Variants in MAP2K1 observed in about 807,000 individuals in gnomAD.
The protein encoded by MAP2K1 is dual specificity mitogen-activated protein kinase kinase 1.
In MAP2K1, 16 loss-of-function variants were observed where a neutral mutation model predicts 46.3. The ratio of observed to expected loss-of-function variants is 0.35; its 90% CI spans 0.23 to 0.52. The LOEUF (loss-of-function observed/expected upper bound fraction) is 0.52. Ranked by LOEUF, MAP2K1 falls within the 20% of genes least tolerant of loss-of-function variation. MAP2K1 has a pLI of 0.94. For synonymous variants in MAP2K1, 183 were observed against 185.6 expected (o/e 0.99, Z 0.11); for missense variants, 263 against 497.1 (o/e 0.53, Z 4.48).
At chr15:66,458,518 G>A (rs1265989449) in intron 5 of MAP2K1, among the ~76,000 whole-genome samples, 4 of 152,100 alleles carry the variant, frequency 2.6e-5, no homozygotes, top group African/African-American at 9.7e-5. Flanking sequence ...ATGTGTGTAT[G>A]TATAAATGAA....
In MAP2K1 at chr15:66,489,822, C is replaced by CA. The variant is rs1282664634; in HGVS notation, c.1068+60dup. The CA allele has an allele frequency of 1.3e-5, 18 of 1,405,696 alleles. No individual in the cohort carries two copies. The African/African-American group carries it at 2.5e-4, about 20-fold the overall frequency. The allele number at this position is 1,405,696 out of a possible 1,614,324, so 87.1% of individuals were successfully genotyped here. A position where few individuals can be genotyped will look rare whatever the true frequency, so the allele number is the denominator to read the frequency against. Reference sequence around the variant, plus strand: ...TGTTTATTCATTTGTTCTTCTCTGTCAGTCATCTGTGCAGTACTTCCAGAG... The same window carrying CA: ...TGTTTATTCATTTGTTCTTCTCTGTCAAGTCATCTGTGCAGTACTTCCAGAG... On this transcript the variant is annotated intron_variant, in intron 10 of 10. Coordinates refer to ENST00000307102, the MANE Select transcript of MAP2K1 (RefSeq NM_002755.4).
chr15:66,489,818 C>A, intron 10 of MAP2K1, 55 bp downstream of exon 10: 1 of 1,437,158 alleles, frequency 7.0e-7, no homozygotes, highest in Non-Finnish European at 9.8e-7. Context: ...TTGTTCTTCT[C>A]TGTCAGTCAT....
At chr15:66,481,580 T>C (rs1892916430) in intron 5 of MAP2K1, among the ~76,000 whole-genome samples, 175 bp from the exon 6 acceptor site, 1 of 152,192 alleles carries the variant, frequency 6.6e-6, no homozygotes, top group African/African-American at 2.4e-5. Context: ...CTTCTTGAAC[T>C]CAGAACAAAG....
At chr15:66,467,433 C>G (rs1273402788) in intron 5 of MAP2K1, among the ~76,000 whole-genome samples, 3 of 152,186 alleles carry the variant, frequency 2.0e-5, no homozygotes, top group Non-Finnish European at 4.4e-5. Context: ...TTTCCCCAAA[C>G]CCCCTTCCTG....
chr15:66,427,053 G>C (rs546916693), intron 1 of MAP2K1, among the ~76,000 whole-genome samples: 1 of 152,310 alleles, frequency 6.6e-6, no homozygotes, highest in East Asian at 1.9e-4. Flanking sequence ...CCAGGTCTTT[G>C]AGAATGCGTA....
intron 5 of MAP2K1, among the ~76,000 whole-genome samples, chr15:66,449,165 A>G (rs1378329490): frequency 1.3e-5 from 2 of 152,230 alleles, no homozygotes; most frequent in Non-Finnish European, 2.9e-5. Flanking sequence ...TGCTCATGCA[A>G]GGACTTGTTA....
chr15:66,444,741 AT>A, intron 5 of MAP2K1, 34 bp downstream of exon 5: 2 of 1,559,902 alleles, frequency 1.3e-6, no homozygotes, highest in Non-Finnish European at 8.8e-7. Context: ...TTTGCTTTGA[AT>A]TTTAGATATA....
intron 5 of MAP2K1, among the ~76,000 whole-genome samples, chr15:66,469,491 T>TTTTTC (rs1892558325): frequency 6.9e-6 from 1 of 144,300 alleles, no homozygotes; most frequent in African/African-American, 2.6e-5. Flanking sequence ...TTTTTTTTTT[T>TTTTTC]TTTTTTTTGT....
chr15:66,418,956 T>G (rs1317809311), intron 1 of MAP2K1, among the ~76,000 whole-genome samples: 1 of 148,876 alleles, frequency 6.7e-6, no homozygotes. Context: ...TTTTTTTTTT[T>G]TTTTTTTTTT....
At chr15:66,403,718 G>T (rs1487824738) in intron 1 of MAP2K1, among the ~76,000 whole-genome samples, 1 of 152,134 alleles carries the variant, frequency 6.6e-6, no homozygotes, top group Non-Finnish European at 1.5e-5. Context: ...TGTTTTACAG[G>T]TTTGTCCGAA....
intron 1 of MAP2K1, among the ~76,000 whole-genome samples, chr15:66,413,197 C>T (rs1241714487): frequency 6.6e-6 from 1 of 152,064 alleles, no homozygotes; most frequent in Non-Finnish European, 1.5e-5. Context: ...CGCTTGGCCC[C>T]TTGTGTCAAT....
chr15:66,443,705 T>C (rs1459344922), intron 4 of MAP2K1, among the ~76,000 whole-genome samples: 1 of 151,846 alleles, frequency 6.6e-6, no homozygotes, highest in Admixed American at 6.6e-5. Flanking sequence ...ACCTCGCTTC[T>C]ACAAAAAAAT....
chr15:66,388,253 T>TG (rs1292997047), intron 1 of MAP2K1, among the ~76,000 whole-genome samples: 1 of 152,158 alleles, frequency 6.6e-6, no homozygotes, highest in Non-Finnish European at 1.5e-5. Context: ...GTCTGTTTCC[T>TG]GGGGGTTTCT....
chr15:66,484,640 A>G (rs1409110546), intron 6 of MAP2K1, among the ~76,000 whole-genome samples: 2 of 152,198 alleles, frequency 1.3e-5, no homozygotes, highest in African/African-American at 4.8e-5. Flanking sequence ...TGAGCCTCTC[A>G]TGCTGGGCTT....
chr15:66,452,305 A>AAAG (rs1567014986), intron 5 of MAP2K1, among the ~76,000 whole-genome samples: 7 of 6,868 alleles, frequency 1.0e-3, no homozygotes, highest in Admixed American at 4.5e-3. Flanking sequence ...AAAAAAAAAG[A>AAAG]AAAAAAAAAG....
intron 3 of MAP2K1, among the ~76,000 whole-genome samples, chr15:66,442,876 A>G (rs2093508190): frequency 6.6e-6 from 1 of 152,194 alleles, no homozygotes; most frequent in Non-Finnish European, 1.5e-5. Flanking sequence ...ATTGGCACAC[A>G]GAACTCAGGG....
At chr15:66,418,969 CT>C (rs1567002167) in intron 1 of MAP2K1, among the ~76,000 whole-genome samples, 1 of 67,424 alleles carries the variant, frequency 1.5e-5, no homozygotes, top group Non-Finnish European at 3.0e-5. Flanking sequence ...TTTTTTTTTC[CT>C]TTTTTCTTTT....
At chr15:66,394,425 T>C (rs1275779955) in intron 1 of MAP2K1, among the ~76,000 whole-genome samples, 6 of 152,028 alleles carry the variant, frequency 3.9e-5, no homozygotes, top group African/African-American at 1.4e-4. Context: ...CTTATGGCTC[T>C]TTCTGAGATG....
chr15:66,399,549 C>G (rs1407267975), intron 1 of MAP2K1, among the ~76,000 whole-genome samples: 1 of 152,016 alleles, frequency 6.6e-6, no homozygotes, highest in Non-Finnish European at 1.5e-5. Flanking sequence ...CGTCTGGGCT[C>G]AAGTGATCCC....
Sources: gnomAD v4.1 joint callset for allele counts (sites outside exome capture counted in the v4.1 genomes callset) on GRCh38, gnomAD v4.1.1 for gene constraint, MANE v1.5 for transcripts, NCBI Gene and HGNC (gene_info 2026-07-23, HGNC 2026-07-21) for gene names.